Variants in SEMA6A observed in about 807,000 individuals in gnomAD.
SEMA6A encodes the protein semaphorin-6A.
In SEMA6A, 25 loss-of-function variants were observed where a neutral mutation model predicts 96.8. That is an observed-to-expected ratio of 0.26 (90% CI 0.19 to 0.36). The LOEUF (loss-of-function observed/expected upper bound fraction) is 0.36. Ranked by LOEUF, SEMA6A falls within the 10% of genes least tolerant of loss-of-function variation. SEMA6A has a pLI of 1.00. For synonymous variants in SEMA6A, 612 were observed against 518.0 expected (o/e 1.18, Z -2.46); for missense variants, 1,363 against 1,323.1 (o/e 1.03, Z -0.47).
chr5:116,544,109 A>C (rs999456781), intron 1 of SEMA6A, among the ~76,000 whole-genome samples: 9 of 152,150 alleles, frequency 5.9e-5, no homozygotes, highest in African/African-American at 2.2e-4. Flanking sequence ...AACCACTTCC[A>C]CTATGGGTGG....
At chr5:116,456,364 A>C (rs1360832340) in intron 18 of SEMA6A, among the ~76,000 whole-genome samples, 2 of 152,192 alleles carry the variant, frequency 1.3e-5, no homozygotes, top group Non-Finnish European at 2.9e-5. Context: ...TAACATAAAT[A>C]ATATTCCAGA....
chr5:116,490,028 GTA>G (rs557821763), intron 7 of SEMA6A, among the ~76,000 whole-genome samples: 232 of 152,022 alleles, frequency 1.5e-3, no homozygotes, highest in African/African-American at 5.3e-3. Context: ...TATATGTAGT[GTA>G]AACATAATGG....
At chr5:116,473,188 C>T (rs924817699) in intron 16 of SEMA6A, 95 bp from the exon 17 acceptor site, 3 of 1,209,108 alleles carry the variant, frequency 2.5e-6, no homozygotes, top group African/African-American at 3.0e-5. Flanking sequence ...AGAACTATGC[C>T]AGCGTATGGT....
chr5:116,547,052 C>G (rs772876063), intron 1 of SEMA6A, among the ~76,000 whole-genome samples: 1 of 152,098 alleles, frequency 6.6e-6, no homozygotes, highest in African/African-American at 2.4e-5. Flanking sequence ...GGCTTATTGT[C>G]TGATTTCCAT....
chr5:116,509,111 G>GGACTT (rs1316661065), intron 1 of SEMA6A, among the ~76,000 whole-genome samples: 1 of 152,208 alleles, frequency 6.6e-6, no homozygotes, highest in Non-Finnish European at 1.5e-5. Context: ...GTTGCATGGA[G>GGACTT]GACTTGACTG....
In SEMA6A at chr5:116,488,886, A is replaced by G. The variant is rs1757192780; in HGVS notation, c.655+2T>C. 1 of 1,560,582 alleles carries G rather than the reference A, an allele frequency of 6.4e-7. No individual in the cohort carries two copies. Among genetic ancestry groups the G allele is most frequent in the Admixed American group, 1.9e-5 (1 of 51,784 alleles). On this transcript the variant is annotated splice_donor_variant, in intron 8 of 18. Transcript: ENST00000343348. LOFTEE classifies it high-confidence loss of function. Reference sequence around the variant, plus strand: ...CCCTCCTTCTTTTAATTGTTTGTTCACCTTTCAACCATTTTGAATCGTGCT... The same window carrying G: ...CCCTCCTTCTTTTAATTGTTTGTTCGCCTTTCAACCATTTTGAATCGTGCT...
chr5:116,495,722 A>C, intron 5 of SEMA6A: 1 of 508,396 alleles, frequency 2.0e-6, no homozygotes, highest in Non-Finnish European at 3.5e-6. Flanking sequence ...AACAAAGCAT[A>C]GAATGGAAGA....
At chr5:116,465,667 A>C (rs1053052720) in intron 18 of SEMA6A, among the ~76,000 whole-genome samples, 1 of 152,228 alleles carries the variant, frequency 6.6e-6, no homozygotes, top group African/African-American at 2.4e-5. Context: ...TCAAAGTGTT[A>C]AATGGACTTT....
At chr5:116,474,022 C>T (rs961538382) in intron 16 of SEMA6A, among the ~76,000 whole-genome samples, 167 of 152,170 alleles carry the variant, frequency 1.1e-3, no homozygotes, top group Non-Finnish European at 1.1e-3. Context: ...GACCTGAGAG[C>T]GTCCCCTATG....
At chr5:116,471,654 T>C (rs753478889) in intron 17 of SEMA6A, 1 of 152,224 alleles carries the variant, frequency 6.6e-6, no homozygotes, top group African/African-American at 2.4e-5. Context: ...ATGAATTCTG[T>C]GGGCTTATCT....
In SEMA6A at chr5:116,467,570, T is replaced by G; in HGVS notation, c.1894+13A>C. 6.2e-7 allele frequency: 1 copy of G among 1,606,886 alleles called. No individual in the cohort carries two copies. Among genetic ancestry groups the G allele is most frequent in the Non-Finnish European group, 8.5e-7 (1 of 1,176,652 alleles). On this transcript the variant is annotated intron_variant, in intron 18 of 18. Coordinates refer to ENST00000343348, the MANE Select transcript of SEMA6A (RefSeq NM_020796.5). ...CTCTCCCCCGAGAGGAAGAGGCATT[T>G]CCAAGGCCTTACCCTTCTTGTCTTG...
At chr5:116,479,937 C>T (rs1300518224) in intron 12 of SEMA6A, among the ~76,000 whole-genome samples, 185 bp downstream of exon 12, 3 of 152,202 alleles carry the variant, frequency 2.0e-5, no homozygotes, top group Non-Finnish European at 2.9e-5. Flanking sequence ...TGGAACTCTT[C>T]TCCCTGGGAA....
At chr5:116,476,403 T>G (rs1580407372) in intron 15 of SEMA6A, among the ~76,000 whole-genome samples, 1 of 152,248 alleles carries the variant, frequency 6.6e-6, no homozygotes, top group African/African-American at 2.4e-5. Flanking sequence ...ATGAGCCGTA[T>G]AGGAAAACTA....
chr5:116,493,260 G>T (rs80319500), intron 6 of SEMA6A, among the ~76,000 whole-genome samples: 51 of 152,304 alleles, frequency 3.3e-4, no homozygotes, highest in African/African-American at 1.2e-3. Context: ...TTTCCATCTA[G>T]GGAATTCCTT....
rs1288997048 is a variant in SEMA6A, at chr5:116,491,813, T to C, written c.462A>G (p.Pro154=). The change falls in exon 7 of 19, where the codon CCA becomes CCG. Residue 154 remains proline, a synonymous_variant. Transcript: ENST00000343348. The part of the protein sequence containing the change: ...CRNYKMDTLE[P]FGDEFSGMAR... ...CCATTCCGCTGAATTCATCCCCGAA[T>C]GGTTCCAATGTATCCATCTAAATGA... 1.2e-6 allele frequency: 2 copies of C among 1,613,022 alleles called. No individual in the cohort carries two copies. Among genetic ancestry groups the C allele is most frequent in the Non-Finnish European group, 1.7e-6 (2 of 1,179,064 alleles).
chr5:116,473,494 C>T (rs1411585912), intron 16 of SEMA6A, among the ~76,000 whole-genome samples: 1 of 152,220 alleles, frequency 6.6e-6, no homozygotes, highest in Non-Finnish European at 1.5e-5. Flanking sequence ...TTACTTCATC[C>T]TCACAACCAT....
At chr5:116,502,621 C>A (rs902361472) in intron 2 of SEMA6A, 5 of 301,180 alleles carry the variant, frequency 1.7e-5, no homozygotes, top group South Asian at 5.5e-5. Flanking sequence ...GCTAGTGAAC[C>A]CTTTGCATGA....
At chr5:116,497,998 G>A (rs1757685698) in intron 3 of SEMA6A, among the ~76,000 whole-genome samples, 1 of 152,138 alleles carries the variant, frequency 6.6e-6, no homozygotes, top group Admixed American at 6.5e-5. Flanking sequence ...TCTTGCTTCT[G>A]TTCACCTTCC....
intron 1 of SEMA6A, among the ~76,000 whole-genome samples, chr5:116,558,971 A>G (rs1415270500): frequency 2.6e-5 from 4 of 152,216 alleles, no homozygotes. Flanking sequence ...ATTGTTTGGA[A>G]TGAAATAAAC....
Sources: allele counts gnomAD v4.1 joint callset (sites outside exome capture counted in the v4.1 genomes callset), GRCh38; gene constraint gnomAD v4.1.1; transcripts MANE v1.5; gene names NCBI Gene and HGNC (gene_info 2026-07-23, HGNC 2026-07-21).